The following BBOF1 variants were observed in gnomAD, a reference collection of about 807,000 sequenced individuals.
BBOF1 encodes the protein basal body-orientation factor 1.
Under a neutral mutation model 68.0 loss-of-function variants are expected in BBOF1, and 62 were observed. The observed-to-expected ratio is 0.91, with a 90% CI of 0.74 to 1.13. BBOF1 has a LOEUF of 1.13. Ranked by LOEUF, BBOF1 falls within the 50% of genes most tolerant of loss-of-function variation. The pLI is 0.00. For missense variants in BBOF1, 534 were observed against 600.1 expected, an observed-to-expected ratio of 0.89 and a Z score of 1.15; for synonymous variants, 208 against 198.8, an observed-to-expected ratio of 1.05 and a Z score of -0.39.
At chr14:74,039,457 T>TC (rs1469661883) in intron 4 of BBOF1, among the ~76,000 whole-genome samples, 1 of 152,118 alleles carries the variant, frequency 6.6e-6, no homozygotes, top group Non-Finnish European at 1.5e-5. Context: ...AGACGGAGTT[T>TC]CACTTTTGTT....
At chr14:74,047,208 G>GACC (rs2059970199) in intron 6 of BBOF1, among the ~76,000 whole-genome samples, 1 of 152,056 alleles carries the variant, frequency 6.6e-6, no homozygotes, top group Non-Finnish European at 1.5e-5. Flanking sequence ...GGTCTTAATG[G>GACC]TTTATTTCTT....
intron 5 of BBOF1, among the ~76,000 whole-genome samples, chr14:74,041,293 A>G (rs1357022620): frequency 6.6e-6 from 1 of 151,762 alleles, no homozygotes; most frequent in Non-Finnish European, 1.5e-5. Flanking sequence ...GTAGAGCAAG[A>G]CTCCTTCTCA....
downstream of BBOF1, chr14:74,069,069 T>G: frequency 7.2e-7 from 1 of 1,389,700 alleles, no homozygotes; most frequent in South Asian, 1.2e-5. Flanking sequence ...GCTATGGATT[T>G]GAAGTTTTCC....
chr14:74,055,752 G>T (rs1190197764), intron 9 of BBOF1, 67 bp downstream of exon 9: 25 of 1,270,398 alleles, frequency 2.0e-5, no homozygotes, highest in Non-Finnish European at 2.8e-5. Context: ...TAGGAACAAA[G>T]AACTTATTTT....
Position 74,049,783 on chromosome 14 carries a change from G to A in BBOF1, c.874G>A (p.Val292Ile). The A allele has an allele frequency of 6.2e-7, 1 of 1,614,156 alleles. No individual in the cohort carries two copies. Among genetic ancestry groups the A allele is most frequent in the South Asian group, 1.1e-5 (1 of 91,088 alleles). The change falls in exon 8 of 12, where the codon GTA becomes ATA. Residue 292 changes from valine to isoleucine, a missense_variant. Transcript: ENST00000394009. ...RSQIQTLQKKVVNLETALSYM... is the reference protein window; with the variant it reads ...RSQIQTLQKKIVNLETALSYM... ...ACAAATCCAAACCCTTCAGAAGAAG[G>A]TAGTAAACTTGGAGACTGCTCTGAG...
downstream of BBOF1, among the ~76,000 whole-genome samples, chr14:74,069,718 G>A (rs1034860520): frequency 1.3e-5 from 2 of 151,792 alleles, no homozygotes; most frequent in Non-Finnish European, 2.9e-5. Flanking sequence ...GTGCCATTGC[G>A]CCTCAGCCTG....
At chr14:74,061,832 A>G (rs987923409) in intron 11 of BBOF1, among the ~76,000 whole-genome samples, 6 of 152,124 alleles carry the variant, frequency 3.9e-5, no homozygotes, top group Non-Finnish European at 7.3e-5. Context: ...AAGAGAATAC[A>G]TTGTGCAGAT....
At chr14:74,072,777 C>A (rs1010331454) in intron 9 of BBOF1, among the ~76,000 whole-genome samples, 11 of 152,088 alleles carry the variant, frequency 7.2e-5, no homozygotes, top group Admixed American at 7.2e-4. Flanking sequence ...CACATAATAT[C>A]CCTATCTATT....
intron 3 of BBOF1, among the ~76,000 whole-genome samples, chr14:74,032,473 C>A (rs1414067734): frequency 6.7e-6 from 1 of 148,870 alleles, no homozygotes; most frequent in Admixed American, 6.8e-5. Flanking sequence ...GGGTATTTTT[C>A]AATTTACGTT....
intron 4 of BBOF1, among the ~76,000 whole-genome samples, chr14:74,035,053 C>T (rs2059663525): frequency 6.6e-6 from 1 of 152,058 alleles, no homozygotes; most frequent in African/African-American, 2.4e-5. Flanking sequence ...GATTGCACGA[C>T]TGCACTCCAG....
At chr14:74,055,806 A>G in intron 9 of BBOF1, 121 bp downstream of exon 9, 2 of 652,736 alleles carry the variant, frequency 3.1e-6, no homozygotes, top group South Asian at 4.2e-5. Context: ...AGAAAATATA[A>G]AAAGGCCCTA....
rs891481622 is a variant in BBOF1 at position 74,065,980 on chromosome 14, C to G, written c.*1281C>G. ...CACTTACATTCAACACTTGATGATTCACTATTATAGTAAGGATATATGAAT... is the reference window on the plus strand; with the variant it reads ...CACTTACATTCAACACTTGATGATTGACTATTATAGTAAGGATATATGAAT... On this transcript the variant is annotated 3_prime_UTR_variant, in exon 12 of 12. Transcript: ENST00000394009. 6 of 155,978 alleles carry G rather than the reference C, an allele frequency of 3.8e-5. No homozygotes were observed. Among genetic ancestry groups the G allele is most frequent in the African/African-American group, 1.4e-4 (6 of 41,458 alleles). 9.7% of individuals were successfully genotyped at this position (155,978 alleles called of 1,614,324 possible).
At position 74,054,120 on chromosome 14, in the gene BBOF1, C is replaced by T. The variant is rs555934645; in HGVS notation, c.1287-1464C>T. Among the ~76,000 whole-genome samples, 9 of 152,144 alleles carry T rather than the reference C, an allele frequency of 5.9e-5. No individual in the cohort carries two copies. The East Asian group carries it at 1.7e-3, about 30-fold the overall frequency. On this transcript the variant is annotated intron_variant, in intron 8 of 11. Transcript: ENST00000394009. ...CTTGATCTCCTGACCTCGTGATCCGCCCGCCTCGTCCTCCCAAAGTGCTAG... is the reference window on the plus strand; with the variant it reads ...CTTGATCTCCTGACCTCGTGATCCGTCCGCCTCGTCCTCCCAAAGTGCTAG...
chr14:74,073,409 GTA>G (rs35438656), intron 9 of BBOF1, among the ~76,000 whole-genome samples: 4,900 of 152,064 alleles, frequency 0.032, 200 homozygotes, highest in African/African-American at 0.096. Context: ...CCAGACTATA[GTA>G]TATATTAAGA....
At chr14:74,054,401 C>T (rs1473551044) in intron 8 of BBOF1, among the ~76,000 whole-genome samples, 4 of 146,926 alleles carry the variant, frequency 2.7e-5, no homozygotes, top group Admixed American at 6.9e-5. Flanking sequence ...TTTTTTGAGT[C>T]GGAGTCTCGC....
chr14:74,070,710 C>A, downstream of BBOF1: 1 of 180,042 alleles, frequency 5.6e-6, no homozygotes, highest in Non-Finnish European at 1.2e-5. Context: ...TTCACTATGT[C>A]TCATTTTTCT....
intron 11 of BBOF1, chr14:74,059,556 G>T: frequency 3.1e-6 from 1 of 322,404 alleles, no homozygotes; most frequent in Non-Finnish European, 6.1e-6. Flanking sequence ...TTAGCTGGGT[G>T]TGGTGGCGCA....
chr14:74,026,341 C>G (rs926649051), intron 2 of BBOF1, among the ~76,000 whole-genome samples: 3 of 144,268 alleles, frequency 2.1e-5, no homozygotes, highest in African/African-American at 5.2e-5. Flanking sequence ...ACTCAGGAGG[C>G]TGAGGCAGGA....
At position 74,057,105 on chromosome 14, in the gene BBOF1, A is replaced by G. The variant is rs753249067; in HGVS notation, c.1464-39A>G. The G allele has an allele frequency of 1.9e-6, 3 of 1,604,812 alleles. No individual in the cohort carries two copies. In the South Asian group the frequency reaches 3.3e-5, roughly 18 times the overall value. On this transcript the variant is annotated intron_variant, in intron 10 of 11. Transcript: ENST00000394009. Reference sequence around the variant, plus strand: ...ATTCTAAACCAGGTTTCATGTGTGTAGAGTTGTTGACGGTTCTGTTATTTT... The same window carrying G: ...ATTCTAAACCAGGTTTCATGTGTGTGGAGTTGTTGACGGTTCTGTTATTTT...
Sources: allele counts gnomAD v4.1 joint callset (sites outside exome capture counted in the v4.1 genomes callset), GRCh38; gene constraint gnomAD v4.1.1; transcripts MANE v1.5; gene names NCBI Gene and HGNC (gene_info 2026-07-23, HGNC 2026-07-21).